TBC1D15: variants seen among roughly 807,000 people sequenced by gnomAD.
TBC1D15 encodes the protein TBC1 domain family member 15.
TBC1D15 carries 39 observed loss-of-function variants against 95.4 expected under a neutral mutation model. The ratio of observed to expected loss-of-function variants is 0.41; its 90% CI spans 0.32 to 0.53. TBC1D15 has a LOEUF of 0.53. Ranked by LOEUF, TBC1D15 falls within the 20% of genes least tolerant of loss-of-function variation. The pLI is 0.29. For synonymous variants in TBC1D15, 258 were observed against 261.3 expected, an observed-to-expected ratio of 0.99 and a Z score of 0.12; for missense variants, 733 against 794.3, an observed-to-expected ratio of 0.92 and a Z score of 0.93.
At position 71,895,957 on chromosome 12, in the gene TBC1D15, G is replaced by T. The variant is rs777221800; in HGVS notation, c.866G>T (p.Gly289Val). 139 of 1,611,344 alleles carry T rather than the reference G, an allele frequency of 8.6e-5. No individual in the cohort carries two copies. Among genetic ancestry groups the T allele is most frequent in the Non-Finnish European group, 1.2e-4 (136 of 1,178,394 alleles). Residue 289 changes from glycine (G) to valine (V), a missense_variant, in exon 8 of 17, where the codon GGG becomes GTG. Transcript: ENST00000485960. ...TAATCTTATTTTTAGATTGATTTGG[G>T]GGAACGCCCTGTTGTTCAAAGGAGA... ...GFEVITRIDL[G>V]ERPVVQRREP...
chr12:71,894,709 G>A lies in TBC1D15; in HGVS notation c.681G>A (p.Thr227=), dbSNP rs746477228. Residue 227 remains threonine, a synonymous_variant, in exon 7 of 17, where the codon ACG becomes ACA. Coordinates refer to ENST00000485960, the MANE Select transcript of TBC1D15 (RefSeq NM_001146213.3). ...LIQKIKKDPY[T]ATMIGFSKVT... is the part of the protein sequence containing the mutation. ...AGAAAATTAAAAAGGACCCTTATAC[G>A]GCAACTATGATAGGATTTTCCAAAG... is the stretch of plus-strand genomic sequence containing the variant. 14 of 1,612,430 alleles carry A rather than the reference G, an allele frequency of 8.7e-6. No homozygotes were observed. The African/African-American group carries it at 1.6e-4, about 18-fold the overall frequency.
chr12:71,899,971 A>G (rs1383600455), intron 10 of TBC1D15, among the ~76,000 whole-genome samples: 4 of 151,994 alleles, frequency 2.6e-5, no homozygotes, highest in African/African-American at 9.7e-5. Flanking sequence ...AACAAAACAA[A>G]ACCAAAAAAA....
At position 71,917,688 on chromosome 12, in the gene TBC1D15, C is replaced by G; in HGVS notation, c.1402-10C>G. On this transcript the variant is annotated splice_polypyrimidine_tract_variant and intron_variant, in intron 12 of 16. Coordinates refer to ENST00000485960, the MANE Select transcript of TBC1D15 (RefSeq NM_001146213.3). ...TAAATATTACTTGTAACAATTATTT[C>G]CTTTTAAAGCATCAGAATTTTGAAG... 1 of 1,563,618 alleles carries G rather than the reference C, an allele frequency of 6.4e-7. No individual in the cohort carries two copies. The highest frequency in any genetic ancestry group is 8.8e-7 in the Non-Finnish European group (1 of 1,137,702).
chr12:71,879,532 C>T (rs1351137898), intron 3 of TBC1D15, among the ~76,000 whole-genome samples: 2 of 152,132 alleles, frequency 1.3e-5, no homozygotes, highest in Admixed American at 6.6e-5. Flanking sequence ...CCTAGTTTGT[C>T]CTCCTGTGTC....
chr12:71,914,505 CAG>C (rs1903207130), intron 12 of TBC1D15, among the ~76,000 whole-genome samples: 1 of 151,850 alleles, frequency 6.6e-6, no homozygotes, highest in Admixed American at 6.6e-5. Context: ...ATCTTTGAGA[CAG>C]AGTTCTAGGA....
At chr12:71,874,980 G>A (rs113788441) in intron 3 of TBC1D15, among the ~76,000 whole-genome samples, 2 of 151,750 alleles carry the variant, frequency 1.3e-5, no homozygotes, top group African/African-American at 2.4e-5. Context: ...TTGCTCTGTC[G>A]CCCAGGCTGG....
At chr12:71,839,919 C>A in intron 1 of TBC1D15, 108 bp downstream of exon 1, 2 of 1,388,240 alleles carry the variant, frequency 1.4e-6, no homozygotes, top group Non-Finnish European at 2.0e-6. Context: ...TGTGTCCGGA[C>A]AACCCGTGGC....
At chr12:71,849,396 C>T (rs1887186209) in intron 1 of TBC1D15, 3 of 1,384,384 alleles carry the variant, frequency 2.2e-6, no homozygotes, top group Non-Finnish European at 1.0e-6. Context: ...AGCTGAGCCA[C>T]TTCCCATGAA....
intron 1 of TBC1D15, among the ~76,000 whole-genome samples, chr12:71,867,109 G>T (rs1167575582): frequency 3.3e-5 from 5 of 152,332 alleles, no homozygotes; most frequent in African/African-American, 1.2e-4. Flanking sequence ...ATATTTAGGA[G>T]TTCAGATGAG....
chr12:71,854,152 A>G (rs762685340), intron 1 of TBC1D15, among the ~76,000 whole-genome samples: 1 of 152,138 alleles, frequency 6.6e-6, no homozygotes, highest in African/African-American at 2.4e-5. Context: ...AAGCTAGACA[A>G]TTGTATTGCT....
intron 5 of TBC1D15, among the ~76,000 whole-genome samples, chr12:71,889,922 T>A (rs1203531411): frequency 6.6e-6 from 1 of 152,184 alleles, no homozygotes; most frequent in Non-Finnish European, 1.5e-5. Flanking sequence ...ATTAGTTTGC[T>A]TTAGGAAAAT....
chr12:71,860,054 G>A (rs1373105973), intron 1 of TBC1D15, among the ~76,000 whole-genome samples: 1 of 152,140 alleles, frequency 6.6e-6, no homozygotes, highest in Non-Finnish European at 1.5e-5. Context: ...TGGTGACTTT[G>A]TCAAAAATCA....
At chr12:71,918,326 G>A (rs544978702) in intron 13 of TBC1D15, 125 bp from the exon 14 acceptor site, 28 of 527,328 alleles carry the variant, frequency 5.3e-5, no homozygotes, top group Non-Finnish European at 8.3e-5. Flanking sequence ...ATTCCTTAAC[G>A]TAGAAGACAA....
intron 5 of TBC1D15, among the ~76,000 whole-genome samples, chr12:71,891,034 A>C (rs1239529703): frequency 6.6e-6 from 1 of 152,098 alleles, no homozygotes; most frequent in Non-Finnish European, 1.5e-5. Flanking sequence ...AACAGCACCA[A>C]CCATTTAAAA....
In TBC1D15 at chr12:71,866,700, C is replaced by T. The variant is rs145333221; in HGVS notation, c.31-5370C>T. On this transcript the variant is annotated intron_variant, in intron 1 of 16. Transcript: ENST00000485960. ...TCCTAGGCTCAACCAGTCCTCCTGC[C>T]TCGACCTCTCAAAGTGCTGGGATTA... Among the ~76,000 whole-genome samples the T allele has an allele frequency of 1.8e-4, 28 of 152,298 alleles. 1 individual carries two copies. Among genetic ancestry groups the T allele is most frequent in the African/African-American group, 6.5e-4 (27 of 41,564 alleles).
At chr12:71,917,915 T>G (rs1165242085) in intron 13 of TBC1D15, 118 bp downstream of exon 13, 9 of 623,138 alleles carry the variant, frequency 1.4e-5, no homozygotes, top group Non-Finnish European at 2.5e-5. Context: ...TCCCAGCACT[T>G]TGGAAGCCAA....
chr12:71,883,372 G>A (rs1372764899), intron 4 of TBC1D15, among the ~76,000 whole-genome samples: 1 of 152,136 alleles, frequency 6.6e-6, no homozygotes, highest in East Asian at 1.9e-4. Context: ...ACTTAATCTG[G>A]TATCTCTTAC....
At chr12:71,839,913 TCCGGACAAC>T in intron 1 of TBC1D15, 102 bp downstream of exon 1, 1 of 1,451,170 alleles carries the variant, frequency 6.9e-7, no homozygotes, top group South Asian at 1.2e-5. Context: ...ACTTTCTGTG[TCCGGACAAC>T]CCGTGGCGTC....
intron 1 of TBC1D15, chr12:71,849,216 G>A (rs1042692936): frequency 6.3e-5 from 28 of 443,640 alleles, no homozygotes; most frequent in African/African-American, 5.5e-4. Flanking sequence ...CCATAGGGTT[G>A]TTCCTCATGG....
Sources: allele counts gnomAD v4.1 joint callset (sites outside exome capture counted in the v4.1 genomes callset), GRCh38; gene constraint gnomAD v4.1.1; transcripts MANE v1.5; gene names NCBI Gene and HGNC (gene_info 2026-07-23, HGNC 2026-07-21).